The following HSDL2 variants were observed in gnomAD, a reference collection of about 807,000 sequenced individuals.
The protein encoded by HSDL2 is hydroxysteroid dehydrogenase like 2.
HSDL2 carries 27 observed loss-of-function variants against 46.3 expected under a neutral mutation model. That is an observed-to-expected ratio of 0.58 (90% CI 0.43 to 0.80). The LOEUF (loss-of-function observed/expected upper bound fraction) is 0.80, where lower values mean the gene tolerates loss of function less well. Among genes scored for constraint, HSDL2 ranks in the 30% least tolerant of loss-of-function variants. HSDL2 has a pLI of 0.00. For synonymous variants in HSDL2, 153 were observed against 163.6 expected (o/e 0.94, Z 0.50); for missense variants, 451 against 502.7 (o/e 0.90, Z 0.98).
At chr9:112,450,804 T>A (rs532804537) in intron 8 of HSDL2, among the ~76,000 whole-genome samples, 1 of 152,262 alleles carries the variant, frequency 6.6e-6, no homozygotes, top group East Asian at 1.9e-4. Flanking sequence ...TATTGTTTTT[T>A]ATTTTCTTAA....
chr9:112,380,462 C>G (rs1177283815), intron 1 of HSDL2, among the ~76,000 whole-genome samples: 1 of 152,104 alleles, frequency 6.6e-6, no homozygotes, highest in Non-Finnish European at 1.5e-5. Context: ...CCCCCAGTGC[C>G]GGCCCTCCCT....
At chr9:112,397,746 G>C (rs1481363392) in intron 1 of HSDL2, among the ~76,000 whole-genome samples, 1 of 152,092 alleles carries the variant, frequency 6.6e-6, no homozygotes, top group East Asian at 1.9e-4. Context: ...AGTTAGAACA[G>C]CTTTTGCCAA....
intron 6 of HSDL2, among the ~76,000 whole-genome samples, chr9:112,429,963 G>A (rs773258406): frequency 4.1e-4 from 63 of 151,932 alleles, no homozygotes; most frequent in Non-Finnish European, 6.9e-4. Context: ...TGCGCCTGTC[G>A]TCCCAACTAC....
At chr9:112,429,858 AAAGCAGG>A (rs1832344041) in intron 6 of HSDL2, among the ~76,000 whole-genome samples, 1 of 152,270 alleles carries the variant, frequency 6.6e-6, no homozygotes, top group East Asian at 1.9e-4. Flanking sequence ...TTGGGAGGTC[AAAGCAGG>A]CCGATCGCTG....
chr9:112,403,928 G>A, intron 1 of HSDL2, 67 bp from the exon 2 acceptor site: 1 of 1,482,314 alleles, frequency 6.7e-7, no homozygotes, highest in Non-Finnish European at 9.3e-7. Context: ...ATATGCATGA[G>A]GTTCTGATAC....
intron 4 of HSDL2, among the ~76,000 whole-genome samples, chr9:112,412,771 G>A (rs941279871): frequency 2.6e-5 from 4 of 152,128 alleles, no homozygotes; most frequent in Non-Finnish European, 4.4e-5. Flanking sequence ...AAATGAAAGT[G>A]ATGTCTTAAC....
At position 112,460,469 on chromosome 9, in the gene HSDL2, C is replaced by T. The variant is rs371050401; in HGVS notation, c.1144+892C>T. On this transcript the variant is annotated intron_variant, in intron 10 of 10. Coordinates refer to ENST00000398805, the MANE Select transcript of HSDL2 (RefSeq NM_032303.5). ...TCATATAAAAATTAGAAAATATAGG[C>T]CAGGCCTGGTGGCTCGCGCCTGGAA... 3.3e-5 allele frequency among the ~76,000 whole-genome samples: 5 copies of T among 152,312 alleles called. No individual in the cohort carries two copies. The East Asian group carries it at 9.6e-4, about 29-fold the overall frequency.
chr9:112,417,414 C>A (rs2132641339), intron 5 of HSDL2, among the ~76,000 whole-genome samples: 1 of 148,560 alleles, frequency 6.7e-6, no homozygotes, highest in Middle Eastern at 3.4e-3. Context: ...GAGTTTGAGG[C>A]TGCAGTGAGC....
chr9:112,407,019 A>C (rs566869107), intron 3 of HSDL2, among the ~76,000 whole-genome samples: 1 of 148,854 alleles, frequency 6.7e-6, no homozygotes, highest in South Asian at 2.1e-4. Context: ...AAATGAGGGA[A>C]TGCTTCAGTG....
chr9:112,385,841 C>T (rs935691426), intron 1 of HSDL2, among the ~76,000 whole-genome samples: 4 of 151,954 alleles, frequency 2.6e-5, no homozygotes, highest in African/African-American at 9.7e-5. Context: ...GTTGGCCAGG[C>T]TGGTCTTGAG....
chr9:112,420,982 A>T (rs1832108363), intron 6 of HSDL2, among the ~76,000 whole-genome samples: 4 of 152,220 alleles, frequency 2.6e-5, no homozygotes, highest in Admixed American at 2.6e-4. Context: ...TGGGTTAAAA[A>T]ACAAACAAAA....
At chr9:112,414,006 G>T in intron 4 of HSDL2, 1 of 230,898 alleles carries the variant, frequency 4.3e-6, no homozygotes, top group South Asian at 4.9e-5. Flanking sequence ...AACAAAGGAA[G>T]GAGGAGGTAA....
chr9:112,466,853 G>C (rs1243309503), intron 10 of HSDL2, among the ~76,000 whole-genome samples: 4 of 152,096 alleles, frequency 2.6e-5, no homozygotes, highest in Non-Finnish European at 5.9e-5. Context: ...AATTTTTGTA[G>C]ATGGTAGGAG....
At position 112,459,508 on chromosome 9, in the gene HSDL2, G is replaced by A; in HGVS notation, c.1075G>A (p.Gly359Arg). The change falls in exon 10 of 11, where the codon GGA becomes AGA. Residue 359 changes from glycine to arginine, a missense_variant. Physicochemically the swap from Gly to Arg is moderately radical, Grantham distance 125. Transcript: ENST00000398805. ...AAGCAAGGGTGGGAATGTCGGATAT[G>A]GAGAGCCTTCTGATCAGGCAGATGT... is the stretch of plus-strand genomic sequence containing the variant. ...LKSKGGNVGYGEPSDQADVVM... is the reference protein window; with the variant it reads ...LKSKGGNVGYREPSDQADVVM... The A allele has an allele frequency of 6.2e-7, 1 of 1,613,884 alleles. No homozygotes were observed. The highest frequency in any genetic ancestry group is 8.5e-7 in the Non-Finnish European group (1 of 1,179,748).
intron 6 of HSDL2, among the ~76,000 whole-genome samples, chr9:112,430,483 T>G (rs1832361711): frequency 6.6e-6 from 1 of 151,868 alleles, no homozygotes; most frequent in Non-Finnish European, 1.5e-5. Flanking sequence ...CTGTTTCAGG[T>G]TTTCAAGCAG....
Position 112,450,591 on chromosome 9 carries a change from T to C in HSDL2, c.866-3422T>C, listed in dbSNP as rs370696653. On this transcript the variant is annotated intron_variant, in intron 8 of 10. Transcript: ENST00000398805. The stretch of plus-strand genomic sequence containing the variant: ...TTGCAATGGGCTGAGATCATGCCAC[T>C]GCACTCCAGCCTAGGTGACAGAGCA... 6.8e-4 allele frequency among the ~76,000 whole-genome samples: 92 copies of C among 136,258 alleles called. 3 individuals are homozygous for C. The East Asian group carries it at 0.018, about 27-fold the overall frequency. The allele number at this position is 136,258 out of a possible 152,430, so 89.4% of individuals were successfully genotyped here.
At chr9:112,402,829 G>A (rs1831638978) in intron 1 of HSDL2, among the ~76,000 whole-genome samples, 1 of 152,082 alleles carries the variant, frequency 6.6e-6, no homozygotes, top group African/African-American at 2.4e-5. Context: ...GCTGAAGCAG[G>A]AGAATTGTTT....
chr9:112,386,422 G>A (rs975076824), intron 1 of HSDL2, among the ~76,000 whole-genome samples: 7 of 152,022 alleles, frequency 4.6e-5, no homozygotes, highest in African/African-American at 1.7e-4. Flanking sequence ...CCAAAATAAT[G>A]TATAACTGAA....
intron 9 of HSDL2, among the ~76,000 whole-genome samples, chr9:112,455,089 C>A (rs1401891452): frequency 6.6e-6 from 1 of 151,960 alleles, no homozygotes; most frequent in Non-Finnish European, 1.5e-5. Flanking sequence ...AACTAGCTGC[C>A]AGGGATGGTG....
Sources: allele counts gnomAD v4.1 joint callset (sites outside exome capture counted in the v4.1 genomes callset), GRCh38; gene constraint gnomAD v4.1.1; transcripts MANE v1.5; gene names NCBI Gene and HGNC (gene_info 2026-07-23, HGNC 2026-07-21).